TRPS1: variants seen among roughly 807,000 people sequenced by gnomAD.
TRPS1 encodes the protein transcriptional repressor GATA binding 1.
TRPS1 carries 6 observed loss-of-function variants against 101.2 expected under a neutral mutation model. That is an observed-to-expected ratio of 0.06 (90% CI 0.03 to 0.12). TRPS1 has a LOEUF of 0.12. TRPS1 is among the 10% of genes least tolerant of loss of function. The pLI, the probability that TRPS1 is intolerant of heterozygous loss-of-function variation, is 1.00. For missense variants in TRPS1, 1,363 were observed against 1,567.0 expected (o/e 0.87, Z 2.20); for synonymous variants, 578 against 589.8 (o/e 0.98, Z 0.29).
chr8:115,535,450 A>G (rs1018912066), intron 5 of TRPS1, among the ~76,000 whole-genome samples: 5 of 148,866 alleles, frequency 3.4e-5, no homozygotes, highest in Admixed American at 2.7e-4. Context: ...TAGCGTATAT[A>G]GTGCATATAT....
intron 5 of TRPS1, among the ~76,000 whole-genome samples, chr8:115,558,259 T>C (rs757218257): frequency 6.6e-6 from 1 of 152,156 alleles, no homozygotes; most frequent in African/African-American, 2.4e-5. Flanking sequence ...GTAATAAAGA[T>C]AGTTGTAATT....
chr8:115,444,648 A>G (rs1814444515), intron 5 of TRPS1, among the ~76,000 whole-genome samples: 1 of 152,208 alleles, frequency 6.6e-6, no homozygotes, highest in African/African-American at 2.4e-5. Flanking sequence ...GAGTCTCCCC[A>G]GTATGTCTTT....
chr8:115,519,238 G>A (rs1272352103), intron 5 of TRPS1, among the ~76,000 whole-genome samples: 1 of 151,584 alleles, frequency 6.6e-6, no homozygotes, highest in Non-Finnish European at 1.5e-5. Flanking sequence ...ATAAAGGCAC[G>A]CATTGTGAAA....
intron 5 of TRPS1, among the ~76,000 whole-genome samples, chr8:115,496,077 C>T (rs1351455728): frequency 6.6e-6 from 1 of 152,170 alleles, no homozygotes; most frequent in African/African-American, 2.4e-5. Context: ...TGTAGCTACA[C>T]TTAGTTGAGC....
rs1441652438 is a variant in TRPS1, at chr8:115,605,008, G to A, written c.967-6C>T. 2.5e-6 allele frequency: 4 copies of A among 1,612,112 alleles called. No homozygotes were observed. Among genetic ancestry groups the A allele is most frequent in the Middle Eastern group, 1.6e-4 (1 of 6,084 alleles). On this transcript the variant is annotated splice_polypyrimidine_tract_variant and splice_region_variant and intron_variant, in intron 3 of 6. Coordinates refer to ENST00000395715, the MANE Select transcript of TRPS1 (RefSeq NM_014112.5). Reference sequence around the variant, plus strand: ...AATGTTCCACCTGAAGTCACCTGGAGAACAGAAGAAATGGACTTTACTTCC... The same window carrying A: ...AATGTTCCACCTGAAGTCACCTGGAAAACAGAAGAAATGGACTTTACTTCC...
intron 1 of TRPS1, among the ~76,000 whole-genome samples, chr8:115,628,792 A>G (rs575640645): frequency 6.6e-6 from 1 of 151,952 alleles, no homozygotes; most frequent in Admixed American, 6.6e-5. Context: ...ATAGATGACA[A>G]GAAACCCAAG....
At chr8:115,568,960 T>C (rs1043786408) in intron 5 of TRPS1, among the ~76,000 whole-genome samples, 4 of 152,106 alleles carry the variant, frequency 2.6e-5, no homozygotes, top group African/African-American at 9.7e-5. Context: ...ATACAAATAC[T>C]GAATTAAAAG....
intron 5 of TRPS1, among the ~76,000 whole-genome samples, chr8:115,439,152 C>G (rs1813527435): frequency 6.6e-6 from 1 of 152,192 alleles, no homozygotes. Context: ...GTGGTCCTAC[C>G]TGGGACTATT....
intron 4 of TRPS1, among the ~76,000 whole-genome samples, chr8:115,603,340 C>T (rs1817952096): frequency 1.3e-5 from 2 of 152,158 alleles, no homozygotes; most frequent in Admixed American, 1.3e-4. Context: ...CAAAAATTCT[C>T]ACCTTTAGAT....
chr8:115,659,004 A>G (rs1811737574), intron 1 of TRPS1, among the ~76,000 whole-genome samples: 1 of 152,108 alleles, frequency 6.6e-6, no homozygotes, highest in Non-Finnish European at 1.5e-5. Context: ...CATTCCTTCA[A>G]AAGCACAAGT....
intron 5 of TRPS1, among the ~76,000 whole-genome samples, chr8:115,581,621 C>A (rs1029136820): frequency 6.6e-6 from 1 of 152,052 alleles, no homozygotes; most frequent in Non-Finnish European, 1.5e-5. Flanking sequence ...TCTCATTAAT[C>A]AAACTAATAA....
At chr8:115,557,556 G>C (rs1010957522) in intron 5 of TRPS1, among the ~76,000 whole-genome samples, 1 of 152,050 alleles carries the variant, frequency 6.6e-6, no homozygotes, top group Non-Finnish European at 1.5e-5. Context: ...GGTTTTATAA[G>C]GGGCTTCCCC....
Position 115,619,998 on chromosome 8 carries a change from G to A in TRPS1, c.100C>T (p.Leu34=). 1 of 1,614,176 alleles carries A rather than the reference G, an allele frequency of 6.2e-7. No homozygotes were observed. Among genetic ancestry groups the A allele is most frequent in the Non-Finnish European group, 8.5e-7 (1 of 1,180,046 alleles). Residue 34 remains leucine, a synonymous_variant, in exon 3 of 7, where the codon CTG becomes TTG. Coordinates refer to ENST00000395715, the MANE Select transcript of TRPS1 (RefSeq NM_014112.5). ...NVASEGEGQI[L]EPIGTESKVS... is the part of the protein sequence containing the mutation. ...TTGCTTTCTGTACCTATAGGCTCCA[G>A]GATCTGGCCCTCGCCTTCACTTGCA... is the stretch of plus-strand genomic sequence containing the variant.
intron 1 of TRPS1, among the ~76,000 whole-genome samples, chr8:115,650,774 G>A (rs1456940770): frequency 6.6e-6 from 1 of 152,168 alleles, no homozygotes; most frequent in Non-Finnish European, 1.5e-5. Context: ...AGGGAAACGT[G>A]AATATTAAAA....
intron 1 of TRPS1, among the ~76,000 whole-genome samples, chr8:115,650,031 T>C (rs1811524878): frequency 6.6e-6 from 1 of 152,216 alleles, no homozygotes; most frequent in Admixed American, 6.5e-5. Flanking sequence ...TCAGGGATTA[T>C]GAAATGGCCA....
intron 5 of TRPS1, among the ~76,000 whole-genome samples, chr8:115,577,231 A>G (rs554467520): frequency 6.6e-6 from 1 of 152,268 alleles, no homozygotes; most frequent in East Asian, 1.9e-4. Context: ...ATTATTTTTA[A>G]GTAAAGTGAA....
rs1243825591 is a variant in TRPS1 at position 115,466,182 on chromosome 8, T to TAACTTAA, written c.2701-47737_2701-47731dup. ...AGTGGTGGCTAAAAAAACTTCAGCT[T>TAACTTAA]AACTTAAAACAATTTTTTCAAATGG... On this transcript the variant is annotated intron_variant, in intron 5 of 6. Transcript: ENST00000395715. 4.6e-5 allele frequency among the ~76,000 whole-genome samples: 7 copies of TAACTTAA among 152,204 alleles called. No homozygotes were observed. The South Asian group carries it at 1.2e-3, about 27-fold the overall frequency.
chr8:115,430,578 C>T (rs774679055), intron 5 of TRPS1, among the ~76,000 whole-genome samples: 1 of 151,824 alleles, frequency 6.6e-6, no homozygotes, highest in Non-Finnish European at 1.5e-5. Flanking sequence ...TTGTGAAATG[C>T]AAAAGAAAAT....
intron 5 of TRPS1, among the ~76,000 whole-genome samples, chr8:115,575,026 A>G (rs1042186638): frequency 6.6e-6 from 1 of 152,154 alleles, no homozygotes; most frequent in African/African-American, 2.4e-5. Flanking sequence ...GTCTATATAC[A>G]TGATCTGGTA....
Sources: gnomAD v4.1 joint callset for allele counts (sites outside exome capture counted in the v4.1 genomes callset) on GRCh38, gnomAD v4.1.1 for gene constraint, MANE v1.5 for transcripts, NCBI Gene and HGNC (gene_info 2026-07-23, HGNC 2026-07-21) for gene names.